The following IFIT3 variants were observed in gnomAD, a reference collection of about 807,000 sequenced individuals.
The protein encoded by IFIT3 is interferon induced protein with tetratricopeptide repeats 3.
IFIT3 carries 2 observed loss-of-function variants against 2.4 expected under a neutral mutation model. That is an observed-to-expected ratio of 0.82 (90% CI 0.34 to 2.60). The LOEUF (loss-of-function observed/expected upper bound fraction) is 2.60, where lower values mean the gene tolerates loss of function less well. Among genes scored for constraint, IFIT3 ranks in the 30% most tolerant of loss-of-function variants. The probability of loss-of-function intolerance (pLI) is 0.11; values close to 1 mark genes in which losing one functional copy is unlikely to be tolerated. For synonymous variants in IFIT3, 203 were observed against 212.1 expected (o/e 0.96, Z 0.37); for missense variants, 481 against 562.4 (o/e 0.86, Z 1.46).
rs564188502 is a variant in IFIT3, at chr10:89,340,071, G to C, written c.1416G>C (p.Gln472His). ...ELEDGSEEMGQGAVSSSPREL... is the reference protein window; with the variant it reads ...ELEDGSEEMGHGAVSSSPREL... ...AGGATGGTAGTGAGGAAATGGGCCA[G>C]GGCGCAGTCAGCTCCAGTCCCAGAG... is the stretch of plus-strand genomic sequence containing the variant. The change falls in exon 2 of 2, where the codon CAG becomes CAC. Residue 472 changes from glutamine (Q) to histidine (H), a missense_variant. Transcript: ENST00000371818. The C allele has an allele frequency of 6.2e-7, 1 of 1,613,694 alleles. No individual in the cohort carries two copies. The highest frequency in any genetic ancestry group is 1.3e-5 in the African/African-American group (1 of 75,042).
chr10:89,337,032 T>A (rs896883762), intron 1 of IFIT3, among the ~76,000 whole-genome samples: 1 of 152,230 alleles, frequency 6.6e-6, no homozygotes, highest in Non-Finnish European at 1.5e-5. Context: ...TTTGTTTGTT[T>A]GTTGCAACAA....
At chr10:89,334,637 C>A (rs12259768) in intron 1 of IFIT3, among the ~76,000 whole-genome samples, 1 of 151,092 alleles carries the variant, frequency 6.6e-6, no homozygotes. Flanking sequence ...GGATTACAGG[C>A]GCCTGCCACC....
chr10:89,338,676 T>C lies in IFIT3; in HGVS notation c.21T>C (p.Asn7=). The change falls in exon 2 of 2, where the codon AAT becomes AAC. Residue 7 remains asparagine (N), a synonymous_variant. Coordinates refer to ENST00000371818, the MANE Select transcript of IFIT3 (RefSeq NM_001549.6). The part of the protein sequence containing the change: MSEVTK[N]SLEKILPQLK... ...TTCTCCACAGTGAGGTCACCAAGAA[T>C]TCCCTGGAGAAAATCCTTCCACAGC... 6.2e-7 allele frequency: 1 copy of C among 1,612,390 alleles called. No homozygotes were observed. Among genetic ancestry groups the C allele is most frequent in the Non-Finnish European group, 8.5e-7 (1 of 1,178,794 alleles).
At chr10:89,337,961 C>T (rs955148779) in intron 1 of IFIT3, among the ~76,000 whole-genome samples, 3 of 152,138 alleles carry the variant, frequency 2.0e-5, no homozygotes, top group Non-Finnish European at 4.4e-5. Context: ...ACATGAGATA[C>T]TCAACACTTT....
intron 1 of IFIT3, among the ~76,000 whole-genome samples, chr10:89,335,732 G>T (rs1247583571): frequency 6.6e-6 from 1 of 151,950 alleles, no homozygotes; most frequent in Non-Finnish European, 1.5e-5. Context: ...CTACAAATCT[G>T]CAGATACATT....
chr10:89,335,122 C>T (rs919115124), intron 1 of IFIT3, among the ~76,000 whole-genome samples: 1 of 152,038 alleles, frequency 6.6e-6, no homozygotes, highest in Non-Finnish European at 1.5e-5. Flanking sequence ...TATCAAATAC[C>T]TCATCAAATT....
rs1843834280 is a variant in IFIT3, at chr10:89,339,990, G to A, written c.1335G>A (p.Leu445=). The A allele has an allele frequency of 6.2e-7, 1 of 1,614,120 alleles. No individual in the cohort carries two copies. Among genetic ancestry groups the A allele is most frequent in the Non-Finnish European group, 8.5e-7 (1 of 1,180,042 alleles). Residue 445 remains leucine, a synonymous_variant, in exon 2 of 2, where the codon CTG becomes CTA. Transcript: ENST00000371818. ...GTTATGAGAAGGAACTGGGCCGCCT[G>A]CTAAGGGATGCCCCTTCAGGCATAG... ...AKCYEKELGR[L]LRDAPSGIGS...
intron 1 of IFIT3, among the ~76,000 whole-genome samples, chr10:89,331,117 C>T (rs1025853269): frequency 1.3e-5 from 2 of 152,180 alleles, no homozygotes; most frequent in African/African-American, 2.4e-5. Context: ...TTTACATAGG[C>T]AAAGACAGAG....
intron 1 of IFIT3, among the ~76,000 whole-genome samples, chr10:89,336,410 T>A (rs1843741371): frequency 6.6e-6 from 1 of 152,276 alleles, no homozygotes; most frequent in Non-Finnish European, 1.5e-5. Context: ...TGCCCTTGAG[T>A]TGATTCTGCA....
At chr10:89,337,625 C>T (rs1347132363) in intron 1 of IFIT3, among the ~76,000 whole-genome samples, 1 of 152,222 alleles carries the variant, frequency 6.6e-6, no homozygotes, top group East Asian at 1.9e-4. Flanking sequence ...GTCTTGAATC[C>T]TGGGCTCAGG....
At position 89,339,539 on chromosome 10, in the gene IFIT3, C is replaced by G; in HGVS notation, c.884C>G (p.Thr295Arg). 3.1e-6 allele frequency: 5 copies of G among 1,614,096 alleles called. No homozygotes were observed. Among genetic ancestry groups the G allele is most frequent in the African/African-American group, 1.3e-5 (1 of 75,034 alleles). Residue 295 changes from threonine (T) to arginine (R), a missense_variant, in exon 2 of 2, where the codon ACA becomes AGA. Transcript: ENST00000371818. ...GCAAAAGTAAGACAAATGCAGAATA[C>G]AGGAGAATCTGAAGCTAGTGGAAAT... is the stretch of plus-strand genomic sequence containing the variant. ...YKAKVRQMQN[T>R]GESEASGNKE...
chr10:89,336,337 A>G (rs922283636), intron 1 of IFIT3, among the ~76,000 whole-genome samples: 1 of 152,188 alleles, frequency 6.6e-6, no homozygotes, highest in African/African-American at 2.4e-5. Context: ...CTGTCCCCAA[A>G]TCAAAGCACA....
At chr10:89,332,628 G>A (rs1843667043) in intron 1 of IFIT3, 1 of 1,613,862 alleles carries the variant, frequency 6.2e-7, no homozygotes, top group African/African-American at 1.3e-5. Flanking sequence ...CCATCATGAG[G>A]TAAATAGTCC....
chr10:89,329,053 T>C (rs1424056335), intron 1 of IFIT3, among the ~76,000 whole-genome samples: 1 of 152,180 alleles, frequency 6.6e-6, no homozygotes, highest in African/African-American at 2.4e-5. Flanking sequence ...CCTGGAGTTC[T>C]TCAGGGGATA....
chr10:89,333,601 G>A (rs1477743181), intron 1 of IFIT3, among the ~76,000 whole-genome samples: 1 of 152,226 alleles, frequency 6.6e-6, no homozygotes, highest in Non-Finnish European at 1.5e-5. Flanking sequence ...TTGGGAGGCT[G>A]AGGCAAGAGG....
At chr10:89,328,206 G>A (rs1214172125) in intron 1 of IFIT3, 128 bp downstream of exon 1, 1 of 973,342 alleles carries the variant, frequency 1.0e-6, no homozygotes, top group African/African-American at 1.6e-5. Flanking sequence ...TTATCAGTCT[G>A]AGCATTTGTA....
chr10:89,332,265 C>A (rs915693855), intron 1 of IFIT3, among the ~76,000 whole-genome samples: 1 of 152,258 alleles, frequency 6.6e-6, no homozygotes, highest in South Asian at 2.1e-4. Flanking sequence ...AGTCACGTTA[C>A]GTGAGTCAGT....
Position 89,338,921 on chromosome 10 carries a change from C to T in IFIT3, c.266C>T (p.Ala89Val). Residue 89 changes from alanine to valine, a missense_variant, in exon 2 of 2, where the codon GCA becomes GTA. Ala to Val is a moderately conservative substitution (Grantham distance 64). Transcript: ENST00000371818. ...ELIQQEHADQAEIRSLVTWGN... is the reference protein window; with the variant it reads ...ELIQQEHADQVEIRSLVTWGN... ...ATCCAGCAAGAACATGCTGACCAAG[C>T]AGAAATCAGAAGTCTAGTCACTTGG... 6.2e-7 allele frequency: 1 copy of T among 1,614,154 alleles called. No individual in the cohort carries two copies. The highest frequency in any genetic ancestry group is 8.5e-7 in the Non-Finnish European group (1 of 1,180,020).
In IFIT3 at chr10:89,338,672, A is replaced by G; in HGVS notation, c.17A>G (p.Lys6Arg). The stretch of plus-strand genomic sequence containing the variant: ...TATTTTCTCCACAGTGAGGTCACCA[A>G]GAATTCCCTGGAGAAAATCCTTCCA... Reference protein sequence around the residue: MSEVTKNSLEKILPQL... With the variant: MSEVTRNSLEKILPQL... Residue 6 changes from lysine to arginine, a missense_variant, in exon 2 of 2, where the codon AAG becomes AGG. Transcript: ENST00000371818. The G allele has an allele frequency of 3.7e-6, 6 of 1,611,866 alleles. No individual in the cohort carries two copies. The highest frequency in any genetic ancestry group is 5.1e-6 in the Non-Finnish European group (6 of 1,178,424).
Sources: allele counts gnomAD v4.1 joint callset (sites outside exome capture counted in the v4.1 genomes callset), GRCh38; gene constraint gnomAD v4.1.1; transcripts MANE v1.5; gene names NCBI Gene and HGNC (gene_info 2026-07-23, HGNC 2026-07-21).